Variants in NRP1 observed in about 807,000 individuals in gnomAD.
NRP1 encodes neuropilin 1.
NRP1 carries 35 observed loss-of-function variants against 106.7 expected under a neutral mutation model. The observed-to-expected ratio is 0.33, with a 90% CI of 0.25 to 0.43. NRP1 has a LOEUF of 0.43. Ranked by LOEUF, NRP1 falls within the 20% of genes least tolerant of loss-of-function variation. NRP1 has a pLI of 1.00. For missense variants in NRP1, 1,024 were observed against 1,170.4 expected (o/e 0.87, Z 1.83); for synonymous variants, 437 against 417.9 (o/e 1.05, Z -0.56).
At chr10:33,291,856 T>C (rs760442782) in intron 2 of NRP1, among the ~76,000 whole-genome samples, 1 of 152,160 alleles carries the variant, frequency 6.6e-6, no homozygotes, top group Non-Finnish European at 1.5e-5. Flanking sequence ...CTCTAAGAGA[T>C]TGGGTTGGCC....
intron 2 of NRP1, among the ~76,000 whole-genome samples, chr10:33,297,411 A>C (rs533944914): frequency 6.6e-6 from 1 of 152,074 alleles, no homozygotes; most frequent in Non-Finnish European, 1.5e-5. Flanking sequence ...CATGGCTGGG[A>C]GCGGTGGCTC....
intron 2 of NRP1, among the ~76,000 whole-genome samples, chr10:33,276,438 T>G (rs545251617): frequency 6.6e-6 from 1 of 152,334 alleles, no homozygotes; most frequent in African/African-American, 2.4e-5. Context: ...GCAAGAATTC[T>G]TGACATTGCA....
chr10:33,199,367 C>CTATATATATATATATATA lies in NRP1; in HGVS notation c.1865-1676_1865-1659dup, dbSNP rs1413431395. On this transcript the variant is annotated intron_variant, in intron 11 of 16. Transcript: ENST00000374867. ...GTGCGCCACCATGCCTGGCTGTTTTCTATATATATATATATATATATATTT... is the reference window on the plus strand; with the variant it reads ...GTGCGCCACCATGCCTGGCTGTTTTCTATATATATATATATATATATATATATATATATATATATATTT... Among the ~76,000 whole-genome samples the CTATATATATATATATATA allele has an allele frequency of 6.8e-3, 368 of 54,238 alleles. 41 individuals carry two copies. Among genetic ancestry groups the CTATATATATATATATATA allele is most frequent in the East Asian group, 0.014 (13 of 952 alleles). The allele number at this position is 54,238 out of a possible 152,430, so 35.6% of individuals were successfully genotyped here. A position where few individuals can be genotyped will look rare whatever the true frequency, so the allele number is the denominator to read the frequency against.
intron 2 of NRP1, among the ~76,000 whole-genome samples, chr10:33,292,992 A>C (rs1845112485): frequency 6.6e-6 from 1 of 151,846 alleles, no homozygotes; most frequent in Non-Finnish European, 1.5e-5. Flanking sequence ...TCTCAAAAAA[A>C]AAAAAAGCCC....
At chr10:33,276,942 AT>A (rs1432659355) in intron 2 of NRP1, among the ~76,000 whole-genome samples, 3 of 151,904 alleles carry the variant, frequency 2.0e-5, no homozygotes, top group African/African-American at 4.8e-5. Flanking sequence ...TCTCTACAAA[AT>A]TTTTTTAAAA....
chr10:33,334,045 G>A (rs61758237), intron 1 of NRP1, among the ~76,000 whole-genome samples: 87 of 152,332 alleles, frequency 5.7e-4, no homozygotes, highest in Middle Eastern at 3.4e-3. Flanking sequence ...ATCTGGGAAG[G>A]TAGACAGCTC....
At chr10:33,255,063 A>C (rs1842109098) in intron 5 of NRP1, among the ~76,000 whole-genome samples, 1 of 152,184 alleles carries the variant, frequency 6.6e-6, no homozygotes, top group South Asian at 2.1e-4. Context: ...TACACAAGTG[A>C]AAAAAAGCTT....
intron 9 of NRP1, among the ~76,000 whole-genome samples, chr10:33,210,884 G>C (rs888211612): frequency 6.6e-6 from 1 of 152,098 alleles, no homozygotes; most frequent in Non-Finnish European, 1.5e-5. Flanking sequence ...ACCATGTGCC[G>C]CTCTAAAATG....
intron 2 of NRP1, among the ~76,000 whole-genome samples, chr10:33,295,445 C>G (rs926325358): frequency 6.6e-6 from 1 of 152,190 alleles, no homozygotes; most frequent in Non-Finnish European, 1.5e-5. Flanking sequence ...CAGTGGCTCA[C>G]GCCTGTAATC....
chr10:33,237,487 G>GCACACACA lies in NRP1; in HGVS notation c.982-11206_982-11199dup, dbSNP rs111698441. ...CGGCAGAAGAAACACACATGCGCGC[G>GCACACACA]CACACACACACACACACACACACAC... is the stretch of plus-strand genomic sequence containing the variant. On this transcript the variant is annotated intron_variant, in intron 6 of 16. Transcript: ENST00000374867. Among the ~76,000 whole-genome samples the GCACACACA allele has an allele frequency of 8.0e-3, 1,155 of 144,832 alleles. 10 individuals carry two copies. Among genetic ancestry groups the GCACACACA allele is most frequent in the Non-Finnish European group, 0.014 (902 of 66,324 alleles).
At chr10:33,201,004 T>A (rs1386831930) in intron 11 of NRP1, 1 of 152,174 alleles carries the variant, frequency 6.6e-6, no homozygotes, top group African/African-American at 2.4e-5. Context: ...AACGTGCTGA[T>A]CTGGGAATAA....
chr10:33,270,384 T>G (rs1030948925), intron 3 of NRP1, among the ~76,000 whole-genome samples: 2 of 150,388 alleles, frequency 1.3e-5, no homozygotes, highest in African/African-American at 2.5e-5. Flanking sequence ...CAGAGTGCAA[T>G]GGCCTGTGCT....
chr10:33,203,633 A>G (rs1837518670), intron 10 of NRP1, among the ~76,000 whole-genome samples: 1 of 151,324 alleles, frequency 6.6e-6, no homozygotes, highest in South Asian at 2.1e-4. Flanking sequence ...TTTTACATGA[A>G]CTCTCATAGG....
At position 33,177,506 on chromosome 10, in the gene NRP1, G is replaced by A. The variant is rs2132550366; in HGVS notation, c.*2570C>T. ...AGCCATCAGGTGTGGGATATTTTAT[G>A]AAAATGTTTAATTCAACTGTTTCTT... On this transcript the variant is annotated 3_prime_UTR_variant, in exon 17 of 17. Coordinates refer to ENST00000374867, the MANE Select transcript of NRP1 (RefSeq NM_003873.7). 1.3e-5 allele frequency: 2 copies of A among 152,730 alleles called. 1 individual carries two copies. Among genetic ancestry groups the A allele is most frequent in the Admixed American group, 1.3e-4 (2 of 15,302 alleles). 9.5% of individuals were successfully genotyped at this position (152,730 alleles called of 1,614,324 possible). A position where few individuals can be genotyped will look rare whatever the true frequency, so the allele number is the denominator to read the frequency against.
intron 2 of NRP1, among the ~76,000 whole-genome samples, chr10:33,324,595 C>T (rs1403340697): frequency 6.7e-6 from 1 of 148,870 alleles, no homozygotes. Flanking sequence ...TTTCTATATC[C>T]ACTCCAAAGA....
At chr10:33,191,038 T>C (rs114771439) in intron 13 of NRP1, among the ~76,000 whole-genome samples, 1,998 of 152,054 alleles carry the variant, frequency 0.013, 50 homozygotes, top group African/African-American at 0.046. Context: ...AAATTTATTT[T>C]GTAGTGTCAG....
At chr10:33,273,859 C>G (rs539070521) in intron 2 of NRP1, among the ~76,000 whole-genome samples, 1 of 152,288 alleles carries the variant, frequency 6.6e-6, no homozygotes, top group East Asian at 1.9e-4. Context: ...AAGGGCACCA[C>G]CGTTCTATGC....
At chr10:33,205,562 G>T (rs1837703547) in intron 10 of NRP1, 1 of 152,356 alleles carries the variant, frequency 6.6e-6, no homozygotes, top group Non-Finnish European at 1.5e-5. Context: ...GGTTGAAAAG[G>T]GGCAGGTGCT....
At chr10:33,247,476 G>C (rs1307824708) in intron 6 of NRP1, among the ~76,000 whole-genome samples, 1 of 152,204 alleles carries the variant, frequency 6.6e-6, no homozygotes, top group African/African-American at 2.4e-5. Flanking sequence ...ATGGGATGTT[G>C]GTGAAGTGTA....
Sources: allele counts gnomAD v4.1 joint callset (sites outside exome capture counted in the v4.1 genomes callset), GRCh38; gene constraint gnomAD v4.1.1; transcripts MANE v1.5; gene names NCBI Gene and HGNC (gene_info 2026-07-23, HGNC 2026-07-21).